ZBTB20: variants seen among roughly 807,000 people sequenced by gnomAD.
ZBTB20 encodes zinc finger and BTB domain-containing protein 20.
ZBTB20 carries 9 observed loss-of-function variants against 56.9 expected under a neutral mutation model. The ratio of observed to expected loss-of-function variants is 0.16; its 90% CI spans 0.10 to 0.28. The LOEUF (loss-of-function observed/expected upper bound fraction) is 0.28. ZBTB20 is among the 10% of genes least tolerant of loss of function. The pLI is 1.00. For synonymous variants in ZBTB20, 417 were observed against 420.7 expected (o/e 0.99, Z 0.11); for missense variants, 655 against 1,003.0 (o/e 0.65, Z 4.69).
intron 6 of ZBTB20, among the ~76,000 whole-genome samples, chr3:114,588,808 A>G (rs76422089): frequency 0.12 from 18,578 of 152,064 alleles, 1,590 homozygotes; most frequent in African/African-American, 0.24. Flanking sequence ...ATCTTAATCC[A>G]TATTAGTCTG....
At chr3:114,916,208 T>C (rs1371278502) in intron 3 of ZBTB20, among the ~76,000 whole-genome samples, 1 of 152,094 alleles carries the variant, frequency 6.6e-6, no homozygotes, top group Non-Finnish European at 1.5e-5. Context: ...TCTGATAATA[T>C]TTGCTTTATA....
At chr3:114,454,247 GTTTT>G (rs957481777) in intron 7 of ZBTB20, among the ~76,000 whole-genome samples, 2 of 148,076 alleles carry the variant, frequency 1.4e-5, no homozygotes, top group Admixed American at 6.7e-5. Flanking sequence ...AGGAAGCAGC[GTTTT>G]TTTCTTTCTT....
At chr3:114,954,476 TAC>T (rs373614366) in intron 3 of ZBTB20, among the ~76,000 whole-genome samples, 22 of 151,884 alleles carry the variant, frequency 1.4e-4, no homozygotes, top group African/African-American at 4.8e-4. Flanking sequence ...CTATTTTAGT[TAC>T]ACACACACAC....
At chr3:114,989,043 C>T (rs951052364) in intron 2 of ZBTB20, among the ~76,000 whole-genome samples, 4 of 151,944 alleles carry the variant, frequency 2.6e-5, no homozygotes, top group African/African-American at 7.2e-5. Flanking sequence ...TTCTCCCATT[C>T]TGTAGGTTGC....
chr3:114,878,237 A>G (rs1020799897), intron 4 of ZBTB20, among the ~76,000 whole-genome samples: 1 of 152,050 alleles, frequency 6.6e-6, no homozygotes, highest in Non-Finnish European at 1.5e-5. Flanking sequence ...ACTGCGATAA[A>G]GCTCTGTTCT....
At chr3:114,359,992 A>C (rs1030039428) in intron 10 of ZBTB20, among the ~76,000 whole-genome samples, 1 of 152,212 alleles carries the variant, frequency 6.6e-6, no homozygotes, top group Non-Finnish European at 1.5e-5. Context: ...ATTTCTTTAA[A>C]GAATATCATC....
At chr3:114,670,460 C>T (rs1190416080) in intron 6 of ZBTB20, among the ~76,000 whole-genome samples, 1 of 152,056 alleles carries the variant, frequency 6.6e-6, no homozygotes, top group East Asian at 1.9e-4. Flanking sequence ...ACCTTCAAAA[C>T]ACTTGCCTTT....
chr3:114,485,036 A>G (rs1400561495), intron 7 of ZBTB20, among the ~76,000 whole-genome samples: 1 of 152,178 alleles, frequency 6.6e-6, no homozygotes, highest in Non-Finnish European at 1.5e-5. Context: ...AGCTTTTGGA[A>G]GATGGTAAGG....
Position 114,322,247 on chromosome 3 carries a change from T to C in ZBTB20, c.*16758A>G, listed in dbSNP as rs2078920350. ...TCTCCATCAGTCTCCAGGTCATGAC[T>C]CTATTAAAGATCATTTACAGTGTCA... On this transcript the variant is annotated 3_prime_UTR_variant, in exon 12 of 12. Transcript: ENST00000675478. 1 of 152,228 alleles carries C rather than the reference T, an allele frequency of 6.6e-6. No individual in the cohort carries two copies. The highest frequency in any genetic ancestry group is 1.5e-5 in the Non-Finnish European group (1 of 68,046). The allele number at this position is 152,228 out of a possible 1,614,324, so 9.4% of individuals were successfully genotyped here.
At chr3:114,522,246 C>A (rs141259160) in intron 6 of ZBTB20, among the ~76,000 whole-genome samples, 11 of 152,190 alleles carry the variant, frequency 7.2e-5, no homozygotes, top group African/African-American at 1.9e-4. Flanking sequence ...AGCAAACAAG[C>A]CTTATCTGGG....
At chr3:114,742,252 T>C (rs967666986) in intron 5 of ZBTB20, among the ~76,000 whole-genome samples, 31 of 152,144 alleles carry the variant, frequency 2.0e-4, no homozygotes, top group African/African-American at 7.5e-4. Context: ...AATATCATAA[T>C]AAAGGTTGAG....
chr3:114,629,035 C>G (rs947859495), intron 6 of ZBTB20, among the ~76,000 whole-genome samples: 7 of 152,158 alleles, frequency 4.6e-5, no homozygotes, highest in Non-Finnish European at 1.0e-4. Context: ...CCAACAAAAA[C>G]AAGTATCCTG....
chr3:114,951,435 T>C (rs1158498703), intron 3 of ZBTB20, among the ~76,000 whole-genome samples: 1 of 152,112 alleles, frequency 6.6e-6, no homozygotes, highest in Non-Finnish European at 1.5e-5. Context: ...GGTTACAAAA[T>C]TCTGGGCTCA....
intron 3 of ZBTB20, among the ~76,000 whole-genome samples, chr3:114,964,645 C>G (rs9968160): frequency 0.24 from 36,021 of 151,864 alleles, 4,657 homozygotes; most frequent in Middle Eastern, 0.32. Flanking sequence ...TAAAAGACAG[C>G]AAACAGTGAA....
Position 114,535,832 on chromosome 3 carries a change from T to C in ZBTB20, c.-294-35441A>G, listed in dbSNP as rs1296392874. Among the ~76,000 whole-genome samples, 6 of 152,280 alleles carry C rather than the reference T, an allele frequency of 3.9e-5. No individual in the cohort carries two copies. The South Asian group carries it at 1.2e-3, about 32-fold the overall frequency. On this transcript the variant is annotated intron_variant, in intron 6 of 11. Transcript: ENST00000675478. Reference sequence around the variant, plus strand: ...CTTCATCCCTGGGACTCAATGATGGTTCAACATACACAAATCAATAAATGT... The same window carrying C: ...CTTCATCCCTGGGACTCAATGATGGCTCAACATACACAAATCAATAAATGT...
At chr3:114,648,186 T>C (rs1543974) in intron 6 of ZBTB20, among the ~76,000 whole-genome samples, 1,619 of 151,968 alleles carry the variant, frequency 0.011, 24 homozygotes, top group African/African-American at 0.036. Flanking sequence ...TTATAATTAA[T>C]ATTTATTATT....
intron 4 of ZBTB20, among the ~76,000 whole-genome samples, chr3:114,810,349 G>T (rs1252820477): frequency 6.6e-6 from 1 of 152,038 alleles, no homozygotes; most frequent in East Asian, 1.9e-4. Flanking sequence ...GTAACTTCAG[G>T]CTACATATGA....
intron 4 of ZBTB20, among the ~76,000 whole-genome samples, chr3:114,884,328 A>C (rs1186903968): frequency 2.0e-5 from 3 of 152,198 alleles, no homozygotes; most frequent in African/African-American, 7.2e-5. Context: ...TAGTGAAAAA[A>C]GTTAGATTCT....
At chr3:114,401,831 G>A (rs1465342420) in intron 7 of ZBTB20, among the ~76,000 whole-genome samples, 4 of 152,106 alleles carry the variant, frequency 2.6e-5, no homozygotes, top group African/African-American at 4.8e-5. Flanking sequence ...CTACCAATTT[G>A]TTTGAGAACA....
Sources: allele counts gnomAD v4.1 joint callset (sites outside exome capture counted in the v4.1 genomes callset), GRCh38; gene constraint gnomAD v4.1.1; transcripts MANE v1.5; gene names NCBI Gene and HGNC (gene_info 2026-07-23, HGNC 2026-07-21).